NEDD4L: variants seen among roughly 807,000 people sequenced by gnomAD.
NEDD4L encodes E3 ubiquitin-protein ligase NEDD4-like.
Under a neutral mutation model 148.9 loss-of-function variants are expected in NEDD4L, and 54 were observed. That is an observed-to-expected ratio of 0.36 (90% confidence interval 0.29 to 0.45). NEDD4L has a LOEUF of 0.45. NEDD4L is among the 20% of genes least tolerant of loss of function. NEDD4L has a pLI of 1.00. For missense variants in NEDD4L, 856 were observed against 1,233.8 expected, an observed-to-expected ratio of 0.69 and a Z score of 4.59; for synonymous variants, 433 against 440.7, an observed-to-expected ratio of 0.98 and a Z score of 0.22.
chr18:58,107,686 C>T lies in NEDD4L; in HGVS notation c.49-58102C>T, dbSNP rs2085149089. Among the ~76,000 whole-genome samples, 4 of 151,820 alleles carry T rather than the reference C, an allele frequency of 2.6e-5. No homozygotes were observed. In the South Asian group the frequency reaches 8.3e-4, roughly 32 times the overall value. ...GTGAGCAAAGATCTGTGCCTCTGCA[C>T]CCCAAGCTGGACAACAGAGCAAGAC... On this transcript the variant is annotated intron_variant, in intron 1 of 30. Transcript: ENST00000400345.
chr18:58,369,714 C>T (rs1023635190), intron 22 of NEDD4L, among the ~76,000 whole-genome samples: 6 of 152,144 alleles, frequency 3.9e-5, no homozygotes, highest in Non-Finnish European at 5.9e-5. Flanking sequence ...TGAGGAGGTG[C>T]GTGATGCCTT....
At position 58,195,531 on chromosome 18, in the gene NEDD4L, C is replaced by T. The variant is rs373263861; in HGVS notation, c.122+29670C>T. The T allele has an allele frequency of 2.7e-5, 36 of 1,341,604 alleles. No homozygotes were observed. In the South Asian group the frequency reaches 2.8e-4, roughly 10 times the overall value. The allele number at this position is 1,341,604 out of a possible 1,614,324, so 83.1% of individuals were successfully genotyped here. A position where few individuals can be genotyped will look rare whatever the true frequency, so the allele number is the denominator to read the frequency against. On this transcript the variant is annotated intron_variant, in intron 2 of 30. Coordinates refer to ENST00000400345, the MANE Select transcript of NEDD4L (RefSeq NM_001144967.3). ...GCGCAGGGCCCTACCTGGGCGGGAG[C>T]GGCTGCAGAGCCCTGTCCACGCGGT... is the stretch of plus-strand genomic sequence containing the variant.
Position 58,077,619 on chromosome 18 carries a change from G to A in NEDD4L, c.48+32911G>A, listed in dbSNP as rs2083237287. 2.0e-5 allele frequency among the ~76,000 whole-genome samples: 3 copies of A among 152,162 alleles called. No individual in the cohort carries two copies. The South Asian group carries it at 6.2e-4, about 32-fold the overall frequency. On this transcript the variant is annotated intron_variant, in intron 1 of 30. Coordinates refer to ENST00000400345, the MANE Select transcript of NEDD4L (RefSeq NM_001144967.3). ...TGATAGTTTCTGAGTTAGAAGGATG[G>A]GGCAGGCCCAGGAATCAGTACTTTG... is the stretch of plus-strand genomic sequence containing the variant.
intron 2 of NEDD4L, among the ~76,000 whole-genome samples, chr18:58,243,580 T>C (rs980618692): frequency 2.6e-5 from 4 of 152,180 alleles, no homozygotes; most frequent in African/African-American, 9.7e-5. Context: ...GAATCTGATA[T>C]GCTAAAGCCT....
At chr18:58,160,622 AT>A (rs2036083643) in intron 1 of NEDD4L, among the ~76,000 whole-genome samples, 1 of 152,222 alleles carries the variant, frequency 6.6e-6, no homozygotes, top group Admixed American at 6.5e-5. Flanking sequence ...TCACACATAG[AT>A]TTTATGAAAG....
chr18:58,372,864 A>G (rs967279675), intron 23 of NEDD4L, among the ~76,000 whole-genome samples: 2 of 151,814 alleles, frequency 1.3e-5, no homozygotes, highest in African/African-American at 4.8e-5. Flanking sequence ...GAGAAAAGAA[A>G]GTATACTTAT....
rs541321625 is a variant in NEDD4L, at chr18:58,117,134, A to G, written c.49-48654A>G. Among the ~76,000 whole-genome samples, 3 of 152,378 alleles carry G rather than the reference A, an allele frequency of 2.0e-5. No homozygotes were observed. The South Asian group carries it at 6.2e-4, about 32-fold the overall frequency. On this transcript the variant is annotated intron_variant, in intron 1 of 30. Coordinates refer to ENST00000400345, the MANE Select transcript of NEDD4L (RefSeq NM_001144967.3). The stretch of plus-strand genomic sequence containing the variant: ...TTTTCCTCTTCTGGAGCATTTGCAG[A>G]ACCGCCTCTTTGCTCAAGTGCTTTG...
At chr18:58,058,072 C>G (rs1344630674) in intron 1 of NEDD4L, among the ~76,000 whole-genome samples, 2 of 152,212 alleles carry the variant, frequency 1.3e-5, no homozygotes, top group African/African-American at 4.8e-5. Flanking sequence ...CTTTGGGAGG[C>G]TGAGGCAGGT....
Position 58,256,035 on chromosome 18 carries a change from C to T in NEDD4L, c.297+3981C>T. 1 of 1,229,926 alleles carries T rather than the reference C, an allele frequency of 8.1e-7. No homozygotes were observed. Among genetic ancestry groups the T allele is most frequent in the Non-Finnish European group, 1.0e-6 (1 of 986,800 alleles). The allele number at this position is 1,229,926 out of a possible 1,614,324, so 76.2% of individuals were successfully genotyped here. A position where few individuals can be genotyped will look rare whatever the true frequency, so the allele number is the denominator to read the frequency against. ...CCCAGGGACCAGGCCTCCGCCACTG[C>T]CACCACGAGGGCCTCGCCCCAGAGT... On this transcript the variant is annotated intron_variant, in intron 5 of 30. Coordinates refer to ENST00000400345, the MANE Select transcript of NEDD4L (RefSeq NM_001144967.3). The surrounding 1 kb of genome is among the most constrained non-coding windows in gnomAD (Gnocchi z 5.2).
intron 1 of NEDD4L, among the ~76,000 whole-genome samples, chr18:58,124,176 A>G (rs2145858950): frequency 6.6e-6 from 1 of 152,144 alleles, no homozygotes; most frequent in East Asian, 1.9e-4. Flanking sequence ...CCGGGTGACA[A>G]GCTGTCCCTT....
chr18:58,240,449 C>T (rs2046496997), intron 2 of NEDD4L, among the ~76,000 whole-genome samples: 1 of 152,130 alleles, frequency 6.6e-6, no homozygotes, highest in Non-Finnish European at 1.5e-5. Flanking sequence ...TTGGTAGGCC[C>T]TTGCACACTT....
intron 2 of NEDD4L, among the ~76,000 whole-genome samples, chr18:58,190,638 G>A (rs1377252981): frequency 6.6e-6 from 1 of 152,142 alleles, no homozygotes; most frequent in Non-Finnish European, 1.5e-5. Flanking sequence ...GTGTAAGTGT[G>A]TCTGTATACA....
chr18:58,116,255 A>T (rs1384607473), intron 1 of NEDD4L, among the ~76,000 whole-genome samples: 4 of 152,236 alleles, frequency 2.6e-5, no homozygotes, highest in Non-Finnish European at 5.9e-5. Context: ...TCTGTGAGTC[A>T]CCAAATCAAC....
chr18:58,286,649 G>A (rs971292438), intron 5 of NEDD4L, among the ~76,000 whole-genome samples: 1 of 152,146 alleles, frequency 6.6e-6, no homozygotes, highest in African/African-American at 2.4e-5. Context: ...CTGACTGAGG[G>A]CTTCATCATG....
intron 19 of NEDD4L, among the ~76,000 whole-genome samples, chr18:58,359,464 A>G (rs1328126238): frequency 6.6e-6 from 1 of 152,114 alleles, no homozygotes; most frequent in Admixed American, 6.5e-5. Flanking sequence ...TCCCACTCCC[A>G]TTTGCCACGT....
chr18:58,163,906 A>G (rs186808442), intron 1 of NEDD4L, among the ~76,000 whole-genome samples: 1 of 151,820 alleles, frequency 6.6e-6, no homozygotes, highest in East Asian at 1.9e-4. Context: ...GTTCTCTTCG[A>G]CATTCTATAA....
At chr18:58,344,095 C>T (rs1289946565) in intron 16 of NEDD4L, among the ~76,000 whole-genome samples, 1 of 152,030 alleles carries the variant, frequency 6.6e-6, no homozygotes, top group East Asian at 1.9e-4. Flanking sequence ...TGTTATTGGC[C>T]CTAGCTCTTC....
At chr18:58,232,698 C>T (rs925355926) in intron 2 of NEDD4L, among the ~76,000 whole-genome samples, 19 of 152,254 alleles carry the variant, frequency 1.2e-4, no homozygotes, top group African/African-American at 3.6e-4. Context: ...GTTTTATCCT[C>T]GCTTAAAAAA....
chr18:58,177,494 C>A (rs1476891078), intron 2 of NEDD4L, among the ~76,000 whole-genome samples: 2 of 152,056 alleles, frequency 1.3e-5, no homozygotes, highest in African/African-American at 2.4e-5. Context: ...GCGTCCCCAC[C>A]CCAGGAGGAA....
Sources: gnomAD v4.1 joint callset for allele counts (sites outside exome capture counted in the v4.1 genomes callset) on GRCh38, gnomAD v4.1.1 for gene constraint, Gnocchi (gnomAD v3.1) non-coding constraint, MANE v1.5 for transcripts, NCBI Gene and HGNC (gene_info 2026-07-23, HGNC 2026-07-21) for gene names.